The following ADD1 variants were observed in gnomAD, a reference collection of about 807,000 sequenced individuals.
The protein encoded by ADD1 is alpha-adducin.
Under a neutral mutation model 80.5 loss-of-function variants are expected in ADD1, and 24 were observed. The ratio of observed to expected loss-of-function variants is 0.30; its 90% CI spans 0.22 to 0.42. The LOEUF (loss-of-function observed/expected upper bound fraction) is 0.42. Ranked by LOEUF, ADD1 falls within the 10% of genes least tolerant of loss-of-function variation. The pLI is 1.00. For missense variants in ADD1, 948 were observed against 1,019.0 expected (o/e 0.93, Z 0.95); for synonymous variants, 373 against 393.8 (o/e 0.95, Z 0.63).
At chr4:2,873,207 G>T (rs1730732243) in intron 1 of ADD1, among the ~76,000 whole-genome samples, 1 of 152,096 alleles carries the variant, frequency 6.6e-6, no homozygotes, top group Non-Finnish European at 1.5e-5. Flanking sequence ...TGCCCAGGCT[G>T]GTTTCAATCT....
chr4:2,857,710 T>TG (rs1459475220), intron 1 of ADD1, among the ~76,000 whole-genome samples: 2 of 152,146 alleles, frequency 1.3e-5, no homozygotes, highest in Non-Finnish European at 2.9e-5. Flanking sequence ...ACAAAAGGTG[T>TG]ATTCAGTGTG....
chr4:2,904,853 A>G lies in ADD1; in HGVS notation c.1251A>G (p.Thr417=). 1 of 1,614,220 alleles carries G rather than the reference A, an allele frequency of 6.2e-7. No individual in the cohort carries two copies. The highest frequency in any genetic ancestry group is 8.5e-7 in the Non-Finnish European group (1 of 1,180,034). The stretch of plus-strand genomic sequence containing the variant: ...ATGTGGAGGTTCCTGCTAGTGTCAC[A>G]GGTTACTCCTTTGCTAGTGACGGTG... ...YSDVEVPASV[T]GYSFASDGDS... The change falls in exon 10 of 16, where the codon ACA becomes ACG. Residue 417 remains threonine (T), a synonymous_variant. Coordinates refer to ENST00000683351, the MANE Select transcript of ADD1 (RefSeq NM_001354761.2).
chr4:2,882,703 T>A lies in ADD1; in HGVS notation c.358+643T>A, dbSNP rs1732561301. On this transcript the variant is annotated intron_variant, in intron 3 of 15. Coordinates refer to ENST00000683351, the MANE Select transcript of ADD1 (RefSeq NM_001354761.2). ...ATTTGCTATTTACCTGTCTGCTCTG[T>A]GGTATTCTTAGAAGTTGAATAGCAT... Among the ~76,000 whole-genome samples, 4 of 152,348 alleles carry A rather than the reference T, an allele frequency of 2.6e-5. No individual in the cohort carries two copies. The South Asian group carries it at 8.3e-4, about 32-fold the overall frequency.
At position 2,905,699 on chromosome 4, in the gene ADD1, G is replaced by A. The variant is rs185278302; in HGVS notation, c.1506+591G>A. 1.1e-3 allele frequency: 171 copies of A among 155,280 alleles called. 1 individual carries two copies. Among genetic ancestry groups the A allele is most frequent in the Admixed American group, 3.6e-3 (58 of 16,016 alleles). The allele number at this position is 155,280 out of a possible 1,614,324, so 9.6% of individuals were successfully genotyped here. On this transcript the variant is annotated intron_variant, in intron 10 of 15. Coordinates refer to ENST00000683351, the MANE Select transcript of ADD1 (RefSeq NM_001354761.2). ...TGCATGTGAGTAGACGGCCATAGTGGCGAGTCACCTTCTGACTCCTGTTGG... is the reference window on the plus strand; with the variant it reads ...TGCATGTGAGTAGACGGCCATAGTGACGAGTCACCTTCTGACTCCTGTTGG...
Position 2,875,975 on chromosome 4 carries a change from C to T in ADD1, c.60C>T (p.His20=), listed in dbSNP as rs144130874. 3.7e-6 allele frequency: 6 copies of T among 1,613,970 alleles called. No homozygotes were observed. The highest frequency in any genetic ancestry group is 5.1e-6 in the Non-Finnish European group (6 of 1,179,910). Residue 20 remains histidine (H), a synonymous_variant, in exon 2 of 16, where the codon CAC becomes CAT. Coordinates refer to ENST00000683351, the MANE Select transcript of ADD1 (RefSeq NM_001354761.2). Reference sequence around the variant, plus strand: ...CACCACCCCCGACCACAGCCCCTCACAAGGAGAGGTACTTCGACCGAGTAG... The same window carrying T: ...CACCACCCCCGACCACAGCCCCTCATAAGGAGAGGTACTTCGACCGAGTAG... The part of the protein sequence containing the change: ...VTSPPPTTAP[H]KERYFDRVDE...
In ADD1 at chr4:2,898,347, G is replaced by C. The variant is rs1022451736; in HGVS notation, c.885+20G>C. The C allele has an allele frequency of 6.2e-6, 10 of 1,614,156 alleles. No homozygotes were observed. The highest frequency in any genetic ancestry group is 7.6e-6 in the Non-Finnish European group (9 of 1,180,018). ...AGCAAGGTCAGTAGGCATCTAATCT[G>C]GTATTTAAATTACAGCAGAAAGAAG... On this transcript the variant is annotated intron_variant, in intron 7 of 15. Transcript: ENST00000683351.
intron 1 of ADD1, among the ~76,000 whole-genome samples, chr4:2,848,248 A>T (rs968966469): frequency 1.3e-5 from 2 of 152,142 alleles, no homozygotes; most frequent in Admixed American, 6.5e-5. Context: ...AACATAGCAT[A>T]ATATTAAACT....
In ADD1 at chr4:2,904,972, C is replaced by T; in HGVS notation, c.1370C>T (p.Ser457Phe). The change falls in exon 10 of 16, where the codon TCC (serine) becomes TTC (phenylalanine). Residue 457 changes from serine to phenylalanine, a missense_variant. By Grantham distance (155) the Ser-to-Phe change is radical (BLOSUM62 -2). Coordinates refer to ENST00000683351, the MANE Select transcript of ADD1 (RefSeq NM_001354761.2). ...AACTCTGGCCGGGGCGACGAAGCTT[C>T]CGAGGAAGGGCAGAATGGAAGCAGT... ...WLNSGRGDEA[S>F]EEGQNGSSPK... is the part of the protein sequence containing the mutation. 1 of 1,614,148 alleles carries T rather than the reference C, an allele frequency of 6.2e-7. No homozygotes were observed. The highest frequency in any genetic ancestry group is 1.1e-5 in the South Asian group (1 of 91,086).
intron 1 of ADD1, among the ~76,000 whole-genome samples, chr4:2,857,940 C>CT (rs980469489): frequency 8.6e-5 from 13 of 151,494 alleles, no homozygotes; most frequent in Admixed American, 3.3e-4. Context: ...TGTCTCATTG[C>CT]TTTTTTTTTA....
chr4:2,867,366 G>T (rs1337513129), intron 1 of ADD1, among the ~76,000 whole-genome samples: 1 of 152,188 alleles, frequency 6.6e-6, no homozygotes, highest in East Asian at 1.9e-4. Context: ...ATAGGAGTAT[G>T]AGTGGAACCA....
Position 2,884,696 on chromosome 4 carries a change from G to A in ADD1, c.510+30G>A, listed in dbSNP as rs34395973. 1.7e-3 allele frequency: 2,700 copies of A among 1,545,596 alleles called. 7 individuals carry two copies. The highest frequency in any genetic ancestry group is 2.6e-3 in the Admixed American group (139 of 53,206). On this transcript the variant is annotated intron_variant, in intron 4 of 15. Coordinates refer to ENST00000683351, the MANE Select transcript of ADD1 (RefSeq NM_001354761.2). ...GTATTAAATGGGCTAGTAACTGAAC[G>A]ATAAATGAAATATTTTGTGTCTGGC...
intron 1 of ADD1, among the ~76,000 whole-genome samples, chr4:2,866,423 G>C (rs1014534921): frequency 1.3e-5 from 2 of 151,804 alleles, no homozygotes; most frequent in African/African-American, 4.8e-5. Context: ...TGATCTGTCC[G>C]CCTTGGCCTC....
intron 1 of ADD1, among the ~76,000 whole-genome samples, chr4:2,852,696 C>CTTTT (rs1312991635): frequency 1.7e-5 from 2 of 118,712 alleles, no homozygotes; most frequent in Non-Finnish European, 3.5e-5. Context: ...CAGGAAATAT[C>CTTTT]TTTTTTTTTT....
intron 6 of ADD1, among the ~76,000 whole-genome samples, chr4:2,897,934 C>T (rs558286448): frequency 6.6e-6 from 1 of 152,238 alleles, no homozygotes; most frequent in East Asian, 1.9e-4. Context: ...GCACTTATAT[C>T]AGTGGGAAAA....
At chr4:2,898,586 C>A in intron 8 of ADD1, 55 bp downstream of exon 8, 1 of 1,496,664 alleles carries the variant, frequency 6.7e-7, no homozygotes, top group South Asian at 1.1e-5. Flanking sequence ...GTCTGGGGTT[C>A]ACATAGATTT....
intron 1 of ADD1, among the ~76,000 whole-genome samples, chr4:2,866,314 G>A (rs1205769653): frequency 1.3e-5 from 2 of 151,954 alleles, no homozygotes; most frequent in Non-Finnish European, 2.9e-5. Context: ...CTACAGGCAC[G>A]CACCATCACA....
chr4:2,894,166 T>A, intron 5 of ADD1, 73 bp downstream of exon 5: 1 of 1,222,252 alleles, frequency 8.2e-7, no homozygotes, highest in Non-Finnish European at 1.2e-6. Context: ...TCAGATCAGC[T>A]AAATATGTAA....
At chr4:2,856,056 A>T (rs202129013) in intron 1 of ADD1, among the ~76,000 whole-genome samples, 49 of 1,000 alleles carry the variant, frequency 0.049, no homozygotes, top group Middle Eastern at 0.5. Flanking sequence ...GTTCTTTTTT[A>T]AAAAAAAAAA....
At position 2,926,263 on chromosome 4, in the gene ADD1, C is replaced by A; in HGVS notation, c.2047+151C>A. On this transcript the variant is annotated intron_variant, in intron 15 of 15. Coordinates refer to ENST00000683351, the MANE Select transcript of ADD1 (RefSeq NM_001354761.2). The surrounding 1 kb of genome is among the most constrained non-coding windows in gnomAD (Gnocchi z 5.0). ...GTGACACCTTTCTCCTCCTATATTG[C>A]TTCTGTCCTGGGTAACTCCAGGCAA... The A allele has an allele frequency of 1.3e-6, 1 of 774,168 alleles. No individual in the cohort carries two copies. Among genetic ancestry groups the A allele is most frequent in the Non-Finnish European group, 2.3e-6 (1 of 440,866 alleles). 48.0% of individuals were successfully genotyped at this position (774,168 alleles called of 1,614,324 possible).
Sources: allele counts gnomAD v4.1 joint callset (sites outside exome capture counted in the v4.1 genomes callset), GRCh38; gene constraint gnomAD v4.1.1; non-coding constraint Gnocchi (gnomAD v3.1); transcripts MANE v1.5; gene names NCBI Gene and HGNC (gene_info 2026-07-23, HGNC 2026-07-21).